UBE2E2: variants seen among roughly 807,000 people sequenced by gnomAD.
UBE2E2 encodes ubiquitin conjugating enzyme E2 E2.
Under a neutral mutation model 24.7 loss-of-function variants are expected in UBE2E2, and 6 were observed. That is an observed-to-expected ratio of 0.24 (90% CI 0.13 to 0.48). UBE2E2 has a LOEUF of 0.48. Ranked by LOEUF, UBE2E2 falls within the 20% of genes least tolerant of loss-of-function variation. UBE2E2 has a pLI of 0.99. For missense variants in UBE2E2, 169 were observed against 245.0 expected (o/e 0.69, Z 2.07); for synonymous variants, 104 against 83.6 (o/e 1.24, Z -1.33).
intron 3 of UBE2E2, chr3:23,271,156 A>G (rs1032402258): frequency 9.6e-6 from 4 of 415,086 alleles, no homozygotes; most frequent in Non-Finnish European, 1.9e-5. Flanking sequence ...AAAGATGGCA[A>G]GTATTGTGTC....
chr3:23,409,768 C>T (rs1697455861), intron 3 of UBE2E2, among the ~76,000 whole-genome samples: 1 of 152,046 alleles, frequency 6.6e-6, no homozygotes, highest in Non-Finnish European at 1.5e-5. Context: ...CCTCAGAAAG[C>T]TCTGTGGAAA....
intron 3 of UBE2E2, among the ~76,000 whole-genome samples, chr3:23,417,999 G>T (rs766305550): frequency 6.6e-6 from 1 of 152,252 alleles, no homozygotes; most frequent in African/African-American, 2.4e-5. Context: ...TGGGCTCCGT[G>T]GGGGTGGGAT....
chr3:23,477,778 G>A (rs1699171081), intron 3 of UBE2E2, among the ~76,000 whole-genome samples: 1 of 152,092 alleles, frequency 6.6e-6, no homozygotes, highest in Non-Finnish European at 1.5e-5. Flanking sequence ...ATCTCAAATT[G>A]TAACCGCCAT....
At chr3:23,496,911 A>C (rs1417798116) in intron 3 of UBE2E2, among the ~76,000 whole-genome samples, 1 of 152,226 alleles carries the variant, frequency 6.6e-6, no homozygotes, top group East Asian at 1.9e-4. Context: ...TTAACTACTA[A>C]TAATACCCTA....
At chr3:23,495,369 A>C (rs989921311) in intron 3 of UBE2E2, among the ~76,000 whole-genome samples, 1 of 152,054 alleles carries the variant, frequency 6.6e-6, no homozygotes, top group African/African-American at 2.4e-5. Context: ...CCTCAGCCAC[A>C]CTATTTGGTA....
intron 3 of UBE2E2, among the ~76,000 whole-genome samples, chr3:23,220,238 T>C (rs1243230710): frequency 6.6e-6 from 1 of 152,192 alleles, no homozygotes; most frequent in African/African-American, 2.4e-5. Context: ...ACAAATGATT[T>C]AATAGATTGA....
rs117487644 is a variant in UBE2E2 at position 23,317,141 on chromosome 3, A to G, written c.227+99829A>G. On this transcript the variant is annotated intron_variant, in intron 3 of 5. Transcript: ENST00000396703. ...TGTCACTAGGTCATGTGTCCCCCCA[A>G]ATGTGCTGGCTCTGAGCCCAGCACG... Among the ~76,000 whole-genome samples the G allele has an allele frequency of 2.0e-3, 303 of 152,218 alleles. 6 individuals carry two copies. The East Asian group carries it at 0.047, about 23-fold the overall frequency.
At chr3:23,293,934 A>T (rs1698837742) in intron 3 of UBE2E2, among the ~76,000 whole-genome samples, 1 of 152,218 alleles carries the variant, frequency 6.6e-6, no homozygotes, top group Non-Finnish European at 1.5e-5. Context: ...TGCACAGCAT[A>T]GCGAGCTCTT....
rs76563395 is a variant in UBE2E2, at chr3:23,303,451, A to T, written c.227+86139A>T. ...GTTGGGGACCGCTGAAATAACAGAA[A>T]TCCTCACTACTGCTTTTATTTAGAA... On this transcript the variant is annotated intron_variant, in intron 3 of 5. Transcript: ENST00000396703. 6.5e-4 allele frequency among the ~76,000 whole-genome samples: 99 copies of T among 152,226 alleles called. 5 individuals carry two copies. The East Asian group carries it at 0.016, about 24-fold the overall frequency.
intron 3 of UBE2E2, among the ~76,000 whole-genome samples, chr3:23,306,452 G>A (rs1230078030): frequency 1.3e-5 from 2 of 152,170 alleles, no homozygotes; most frequent in Non-Finnish European, 2.9e-5. Flanking sequence ...CATTGTGTTT[G>A]TAGAAATGGT....
chr3:23,571,287 T>C (rs1696221844), intron 5 of UBE2E2, among the ~76,000 whole-genome samples: 1 of 87,376 alleles, frequency 1.1e-5, no homozygotes, highest in African/African-American at 4.1e-5. Flanking sequence ...TTTCTTTTTT[T>C]TTTTTTTTTT....
chr3:23,523,019 A>T (rs982030474), intron 4 of UBE2E2, among the ~76,000 whole-genome samples: 1 of 152,226 alleles, frequency 6.6e-6, no homozygotes, highest in African/African-American at 2.4e-5. Flanking sequence ...GAACAAGTCA[A>T]GAGACAAAAT....
intron 5 of UBE2E2, among the ~76,000 whole-genome samples, chr3:23,567,035 A>C (rs1490870169): frequency 6.6e-6 from 1 of 152,198 alleles, no homozygotes; most frequent in African/African-American, 2.4e-5. Flanking sequence ...TTTCCAGACC[A>C]GTCTTAGTGA....
chr3:23,306,646 A>T (rs1368198265), intron 3 of UBE2E2, among the ~76,000 whole-genome samples: 1 of 152,176 alleles, frequency 6.6e-6, no homozygotes, highest in Non-Finnish European at 1.5e-5. Flanking sequence ...ATGGCCACAC[A>T]TGTACCCATT....
chr3:23,371,835 A>G lies in UBE2E2; in HGVS notation c.228-127773A>G, dbSNP rs1218150145. ...TGTATTTCTGTCTTAAAAGTCATTG[A>G]GACTGGGCACCGTGGCTTATGTCTG... On this transcript the variant is annotated intron_variant, in intron 3 of 5. Coordinates refer to ENST00000396703, the MANE Select transcript of UBE2E2 (RefSeq NM_152653.4). 3.3e-5 allele frequency among the ~76,000 whole-genome samples: 5 copies of G among 152,244 alleles called. No homozygotes were observed. In the South Asian group the frequency reaches 8.3e-4, roughly 25 times the overall value.
intron 3 of UBE2E2, among the ~76,000 whole-genome samples, chr3:23,312,234 C>T (rs1694425519): frequency 6.6e-6 from 1 of 152,176 alleles, no homozygotes; most frequent in Non-Finnish European, 1.5e-5. Context: ...CTGATTAAAC[C>T]TCTTTTCTTT....
At chr3:23,402,364 G>A (rs967385196) in intron 3 of UBE2E2, among the ~76,000 whole-genome samples, 3 of 152,130 alleles carry the variant, frequency 2.0e-5, no homozygotes, top group African/African-American at 7.2e-5. Flanking sequence ...TAAGTTTGCC[G>A]GAGGAAGTAT....
chr3:23,515,829 G>T lies in UBE2E2; in HGVS notation c.360+16089G>T, dbSNP rs369148500. Among the ~76,000 whole-genome samples the T allele has an allele frequency of 9.9e-5, 15 of 151,510 alleles. No homozygotes were observed. The East Asian group carries it at 2.5e-3, about 26-fold the overall frequency. ...AAAAAAAAAAGAAAAGAAAAAACGA[G>T]CCAGGCGTGGTAGCTCACACCTGTA... On this transcript the variant is annotated intron_variant, in intron 4 of 5. Transcript: ENST00000396703.
chr3:23,394,172 A>T (rs1697019330), intron 3 of UBE2E2, among the ~76,000 whole-genome samples: 1 of 152,198 alleles, frequency 6.6e-6, no homozygotes, highest in African/African-American at 2.4e-5. Context: ...TTTCTGCCGT[A>T]TGTGGGCCTG....
Sources: allele counts gnomAD v4.1 joint callset (sites outside exome capture counted in the v4.1 genomes callset), GRCh38; gene constraint gnomAD v4.1.1; transcripts MANE v1.5; gene names NCBI Gene and HGNC (gene_info 2026-07-23, HGNC 2026-07-21).